Variants in GPM6B observed in about 807,000 individuals in gnomAD.
GPM6B encodes glycoprotein M6B, also known as neuronal membrane glycoprotein M6-b.
A neutral mutation model predicts 27.2 loss-of-function variants in GPM6B; 4 were observed. That is an observed-to-expected ratio of 0.15 (90% confidence interval 0.07 to 0.34). GPM6B has a LOEUF of 0.34. Among genes scored for constraint, GPM6B ranks in the 10% least tolerant of loss-of-function variants. The probability of loss-of-function intolerance (pLI) is 1.00; values close to 1 mark genes in which losing one functional copy is unlikely to be tolerated. For synonymous variants in GPM6B, 124 were observed against 103.1 expected (o/e 1.20, Z -1.23); for missense variants, 183 against 261.9 (o/e 0.70, Z 2.08).
In GPM6B at chrX:13,864,291, C is replaced by T. The variant is rs563258671; in HGVS notation, c.-198+74036G>A. 4.4e-5 allele frequency among the ~76,000 whole-genome samples: 5 copies of T among 112,892 alleles called. 1 individual carries two copies. Among genetic ancestry groups the T allele is most frequent in the African/African-American group, 1.6e-4 (5 of 31,157 alleles). The stretch of plus-strand genomic sequence containing the variant: ...GTCTTATTCAGCAAAAAAGTAGAGT[C>T]GCTGATTCTGAATCGCCTTGCCTAG... On this transcript the variant is annotated intron_variant, in intron 1 of 6. Coordinates refer to the GPM6B transcript ENST00000398361.
chrX:13,900,684 C>G (rs1289309080), intron 1 of GPM6B, among the ~76,000 whole-genome samples: 1 of 112,124 alleles, frequency 8.9e-6, no homozygotes, highest in African/African-American at 3.2e-5. Flanking sequence ...TACAGGAGAA[C>G]TATCTGCCTG....
At chrX:13,778,397 G>A (rs2048455418) in intron 5 of GPM6B, among the ~76,000 whole-genome samples, 1 of 112,288 alleles carries the variant, frequency 8.9e-6, no homozygotes, top group Non-Finnish European at 1.9e-5. Context: ...CCCAGAGGGT[G>A]GGACAAGCAG....
At chrX:13,935,685 G>A (rs1201406952) in intron 1 of GPM6B, among the ~76,000 whole-genome samples, 2 of 112,228 alleles carry the variant, frequency 1.8e-5, no homozygotes, top group African/African-American at 6.5e-5. Context: ...TATGAACAAG[G>A]TAACAGAATC....
chrX:13,886,719 TA>T lies in GPM6B; in HGVS notation c.-198+51607del, dbSNP rs5901522. On this transcript the variant is annotated intron_variant, in intron 1 of 6. Coordinates refer to the GPM6B transcript ENST00000398361. ...ACCTCTCTCTACCTTAAGTCACTAC[TA>T]AAAAAAAAAAAAAAAAAAAAAATCT... 1.3e-3 allele frequency among the ~76,000 whole-genome samples: 47 copies of T among 35,097 alleles called. 2 individuals are homozygous for T. The highest frequency in any genetic ancestry group is 4.1e-3 in the Admixed American group (7 of 1,705). 30.5% of individuals were successfully genotyped at this position (35,097 alleles called of 115,157 possible). A position where few individuals can be genotyped will look rare whatever the true frequency, so the allele number is the denominator to read the frequency against.
intron 5 of GPM6B, among the ~76,000 whole-genome samples, chrX:13,778,152 C>T (rs1293289769): frequency 9.2e-6 from 1 of 108,348 alleles, no homozygotes; most frequent in Non-Finnish European, 1.9e-5. Context: ...CGGGTTCAAG[C>T]AGTTCTCTGC....
intron 1 of GPM6B, among the ~76,000 whole-genome samples, chrX:13,822,363 AT>A (rs58011078): frequency 0.028 from 2,831 of 102,142 alleles, 74 homozygotes; most frequent in African/African-American, 0.085. Context: ...AGTGACTCCT[AT>A]TTTTTTTTTT....
At chrX:13,906,496 C>T (rs368304846) in intron 1 of GPM6B, among the ~76,000 whole-genome samples, 1 of 111,681 alleles carries the variant, frequency 9.0e-6, no homozygotes, top group African/African-American at 3.3e-5. Flanking sequence ...TTTTCTTTAA[C>T]GGCTACCCAT....
intron 2 of GPM6B, among the ~76,000 whole-genome samples, chrX:13,794,041 C>T (rs774305294): frequency 4.5e-5 from 5 of 112,251 alleles, no homozygotes; most frequent in East Asian, 2.8e-4. Flanking sequence ...CACACAGCCA[C>T]GCTCATTCAT....
rs182688387 is a variant in GPM6B at position 13,843,006 on chromosome X, A to T, written c.-197-57198T>A. ...ATTCCCCCCTTTCCACTTGTTCAAA[A>T]TATATGATCGCAACTGTTAACACGA... On this transcript the variant is annotated intron_variant, in intron 1 of 6. Coordinates refer to the GPM6B transcript ENST00000398361. 4.5e-5 allele frequency among the ~76,000 whole-genome samples: 5 copies of T among 111,448 alleles called. No individual in the cohort carries two copies. In the East Asian group the frequency reaches 1.4e-3, roughly 31 times the overall value.
At chrX:13,795,612 A>T (rs780012064) in intron 2 of GPM6B, among the ~76,000 whole-genome samples, 36 of 111,770 alleles carry the variant, frequency 3.2e-4, no homozygotes, top group Non-Finnish European at 6.2e-4. Context: ...TCACACTAAA[A>T]TATTATTTTC....
intron 1 of GPM6B, among the ~76,000 whole-genome samples, chrX:13,815,329 T>A (rs1234289727): frequency 8.9e-6 from 1 of 112,123 alleles, no homozygotes; most frequent in African/African-American, 3.2e-5. Context: ...TGCTATTACA[T>A]TATCATACCC....
At chrX:13,847,400 T>C (rs1352340205) in intron 1 of GPM6B, among the ~76,000 whole-genome samples, 1 of 112,638 alleles carries the variant, frequency 8.9e-6, no homozygotes, top group Non-Finnish European at 1.9e-5. Context: ...TATTTCTAAA[T>C]GCAATGTATT....
At chrX:13,775,843 T>A (rs1027491312) in intron 7 of GPM6B, among the ~76,000 whole-genome samples, 3 of 112,297 alleles carry the variant, frequency 2.7e-5, no homozygotes, top group Middle Eastern at 4.6e-3. Flanking sequence ...AGTGACTATA[T>A]AAATGTATGT....
At chrX:13,780,368 A>C (rs1338878205) in intron 4 of GPM6B, among the ~76,000 whole-genome samples, 1 of 112,084 alleles carries the variant, frequency 8.9e-6, no homozygotes, top group African/African-American at 3.2e-5. Context: ...AGAACATGCT[A>C]CTTAACATGG....
chrX:13,837,458 T>G (rs898256947), intron 1 of GPM6B, among the ~76,000 whole-genome samples: 2 of 111,008 alleles, frequency 1.8e-5, no homozygotes, highest in African/African-American at 6.6e-5. Context: ...CCCACTCAAC[T>G]CCAGGCAGCC....
intron 4 of GPM6B, chrX:13,780,878 GA>G: frequency 3.5e-6 from 1 of 283,200 alleles, no homozygotes; most frequent in South Asian, 3.2e-5. Flanking sequence ...GTGGAGACCT[GA>G]TGGTCACCCC....
At chrX:13,863,034 A>T (rs894747225) in intron 1 of GPM6B, among the ~76,000 whole-genome samples, 6 of 111,588 alleles carry the variant, frequency 5.4e-5, no homozygotes, top group African/African-American at 2.0e-4. Context: ...TTGTAGAAAG[A>T]CACATAACCT....
intron 1 of GPM6B, among the ~76,000 whole-genome samples, chrX:13,860,455 T>G (rs2049831382): frequency 9.4e-6 from 1 of 106,533 alleles, no homozygotes; most frequent in Non-Finnish European, 1.9e-5. Flanking sequence ...TTTTTTTTTT[T>G]GCTCTCAAAG....
chrX:13,774,860 C>A (rs780182358), intron 7 of GPM6B, among the ~76,000 whole-genome samples: 2 of 111,841 alleles, frequency 1.8e-5, no homozygotes, highest in Non-Finnish European at 3.8e-5. Flanking sequence ...GACTTGGATG[C>A]GTTTCAAGAA....
Sources: gnomAD v4.1 joint callset for allele counts (sites outside exome capture counted in the v4.1 genomes callset) on GRCh38, gnomAD v4.1.1 for gene constraint, MANE v1.5 for transcripts, NCBI Gene and HGNC (gene_info 2026-07-23, HGNC 2026-07-21) for gene names.